Variants in DLG2 observed in about 807,000 individuals in gnomAD.
DLG2 encodes disks large homolog 2.
A neutral mutation model predicts 132.5 loss-of-function variants in DLG2; 45 were observed. The ratio of observed to expected loss-of-function variants is 0.34; its 90% CI spans 0.27 to 0.44. The LOEUF (loss-of-function observed/expected upper bound fraction) is 0.44. Ranked by LOEUF, DLG2 falls within the 20% of genes least tolerant of loss-of-function variation. The pLI is 1.00. For synonymous variants in DLG2, 424 were observed against 419.6 expected, an observed-to-expected ratio of 1.01 and a Z score of -0.13; for missense variants, 1,045 against 1,196.9, an observed-to-expected ratio of 0.87 and a Z score of 1.87.
intron 6 of DLG2, among the ~76,000 whole-genome samples, chr11:84,844,135 GTATATATATATATATATA>G (rs74200849): frequency 4.6e-5 from 2 of 43,694 alleles, no homozygotes; most frequent in Non-Finnish European, 8.7e-5. Context: ...GTGTGTGTGT[GTATATATATATATATATA>G]TATATATATA....
At chr11:83,726,494 T>C (rs1329813502) in intron 18 of DLG2, among the ~76,000 whole-genome samples, 3 of 152,196 alleles carry the variant, frequency 2.0e-5, no homozygotes, top group African/African-American at 7.2e-5. Context: ...TTATGATTGG[T>C]TATTGAGTCT....
At chr11:85,161,926 G>A (rs762281384) in intron 4 of DLG2, among the ~76,000 whole-genome samples, 1 of 152,146 alleles carries the variant, frequency 6.6e-6, no homozygotes, top group Non-Finnish European at 1.5e-5. Context: ...GGTGGAAGTG[G>A]AAGTGGCACC....
chr11:84,556,263 A>T (rs1047399908), intron 6 of DLG2, among the ~76,000 whole-genome samples: 1 of 152,180 alleles, frequency 6.6e-6, no homozygotes, highest in African/African-American at 2.4e-5. Context: ...ATTGGGGCCT[A>T]GTGGACAGTG....
chr11:83,856,321 C>T lies in DLG2; in HGVS notation c.1565+18099G>A, dbSNP rs147468941. Among the ~76,000 whole-genome samples, 12 of 152,086 alleles carry T rather than the reference C, an allele frequency of 7.9e-5. No individual in the cohort carries two copies. In the East Asian group the frequency reaches 1.9e-3, roughly 25 times the overall value. On this transcript the variant is annotated intron_variant, in intron 16 of 27. Coordinates refer to ENST00000376104, the MANE Select transcript of DLG2 (RefSeq NM_001142699.3). ...TGCTTGAATTTTCTTTATAATAGAA[C>T]AATTTATATTCCTTGGTTATATACC...
At chr11:83,789,547 T>C (rs529529696) in intron 17 of DLG2, among the ~76,000 whole-genome samples, 1 of 151,402 alleles carries the variant, frequency 6.6e-6, no homozygotes, top group East Asian at 1.9e-4. Context: ...AACAAACTGA[T>C]GACTTTTTTT....
chr11:83,462,666 T>C (rs1182124329), intron 26 of DLG2, among the ~76,000 whole-genome samples: 1 of 152,160 alleles, frequency 6.6e-6, no homozygotes, highest in Non-Finnish European at 1.5e-5. Flanking sequence ...TATAGGAATA[T>C]TTCAAAATAG....
At chr11:85,161,901 G>C (rs957093602) in intron 4 of DLG2, among the ~76,000 whole-genome samples, 1 of 152,094 alleles carries the variant, frequency 6.6e-6, no homozygotes, top group Non-Finnish European at 1.5e-5. Context: ...GGATTCACAG[G>C]TCCAGGAATC....
intron 18 of DLG2, among the ~76,000 whole-genome samples, chr11:83,711,754 G>T (rs1298713115): frequency 1.3e-5 from 2 of 152,124 alleles, no homozygotes; most frequent in Non-Finnish European, 2.9e-5. Flanking sequence ...GGGTTTACAG[G>T]AAGCCTTGCT....
At chr11:84,964,101 G>C (rs1241903055) in intron 6 of DLG2, among the ~76,000 whole-genome samples, 1 of 151,928 alleles carries the variant, frequency 6.6e-6, no homozygotes, top group Non-Finnish European at 1.5e-5. Flanking sequence ...AAAACATTAA[G>C]GCAGCCTAAC....
At chr11:84,427,990 G>C (rs1158861152) in intron 7 of DLG2, among the ~76,000 whole-genome samples, 1 of 152,214 alleles carries the variant, frequency 6.6e-6, no homozygotes, top group Non-Finnish European at 1.5e-5. Flanking sequence ...AATGTAACAA[G>C]TAGGTGTGGA....
chr11:84,230,740 T>G (rs527437652), intron 8 of DLG2, among the ~76,000 whole-genome samples: 2 of 152,172 alleles, frequency 1.3e-5, no homozygotes, highest in South Asian at 4.2e-4. Context: ...GAAAAAAAAT[T>G]ATGCAATTTC....
intron 7 of DLG2, among the ~76,000 whole-genome samples, chr11:84,397,345 TA>T (rs1221879022): frequency 1.3e-5 from 2 of 152,230 alleles, no homozygotes; most frequent in Non-Finnish European, 2.9e-5. Context: ...TTCTAAATTA[TA>T]AACTTCTATC....
At chr11:83,757,585 A>G (rs1452188517) in intron 18 of DLG2, among the ~76,000 whole-genome samples, 1 of 152,152 alleles carries the variant, frequency 6.6e-6, no homozygotes, top group Non-Finnish European at 1.5e-5. Flanking sequence ...ACTTTCAGAG[A>G]CTGGGGGCAA....
At chr11:83,983,436 C>A (rs2092976029) in intron 11 of DLG2, among the ~76,000 whole-genome samples, 1 of 151,874 alleles carries the variant, frequency 6.6e-6, no homozygotes, top group South Asian at 2.1e-4. Flanking sequence ...ATAAAAAATA[C>A]TTAAAAATAT....
chr11:85,163,376 A>C (rs565835014), intron 4 of DLG2, among the ~76,000 whole-genome samples: 2 of 152,308 alleles, frequency 1.3e-5, no homozygotes, highest in Admixed American at 1.3e-4. Flanking sequence ...TGTCCTCTGA[A>C]GAACTCTAAT....
At chr11:84,665,297 A>G (rs2099698718) in intron 6 of DLG2, among the ~76,000 whole-genome samples, 2 of 152,202 alleles carry the variant, frequency 1.3e-5, no homozygotes, top group South Asian at 4.2e-4. Flanking sequence ...TAAATTATTT[A>G]ATCCCATTTT....
chr11:84,349,006 G>T (rs1037039312), intron 7 of DLG2, among the ~76,000 whole-genome samples: 1 of 152,148 alleles, frequency 6.6e-6, no homozygotes, highest in Non-Finnish European at 1.5e-5. Flanking sequence ...CATTACCATT[G>T]CTTAAGCCAC....
chr11:84,185,656 C>T (rs959289717), intron 8 of DLG2, among the ~76,000 whole-genome samples: 5 of 152,080 alleles, frequency 3.3e-5, no homozygotes, highest in South Asian at 2.1e-4. Context: ...TGCCAGTTTT[C>T]GAAGGGAATG....
intron 18 of DLG2, among the ~76,000 whole-genome samples, chr11:83,777,612 G>A (rs1029424999): frequency 2.0e-5 from 3 of 152,160 alleles, no homozygotes; most frequent in Non-Finnish European, 2.9e-5. Flanking sequence ...ATCATGAACA[G>A]TAAGTTGTTA....
Sources: allele counts gnomAD v4.1 joint callset (sites outside exome capture counted in the v4.1 genomes callset), GRCh38; gene constraint gnomAD v4.1.1; transcripts MANE v1.5; gene names NCBI Gene and HGNC (gene_info 2026-07-23, HGNC 2026-07-21).